The following SLC39A11 variants were observed in gnomAD, a reference collection of about 807,000 sequenced individuals.
SLC39A11 encodes the protein solute carrier family 39 member 11.
In SLC39A11, 33 loss-of-function variants were observed where a neutral mutation model predicts 36.1. That is an observed-to-expected ratio of 0.91 (90% CI 0.69 to 1.22). The LOEUF is 1.22. Ranked by LOEUF, SLC39A11 falls within the 50% of genes most tolerant of loss-of-function variation. SLC39A11 has a pLI of 0.00. For synonymous variants in SLC39A11, 166 were observed against 170.3 expected, an observed-to-expected ratio of 0.97 and a Z score of 0.20; for missense variants, 432 against 430.3, an observed-to-expected ratio of 1.00 and a Z score of -0.03.
intron 6 of SLC39A11, among the ~76,000 whole-genome samples, chr17:72,810,094 A>G (rs2077387772): frequency 6.6e-6 from 1 of 151,734 alleles, no homozygotes; most frequent in African/African-American, 2.4e-5. Context: ...CAAAAAAAAA[A>G]AAAAAGAAAA....
intron 5 of SLC39A11, among the ~76,000 whole-genome samples, chr17:72,901,285 C>T (rs1369557495): frequency 6.6e-6 from 1 of 152,208 alleles, no homozygotes; most frequent in Admixed American, 6.5e-5. Flanking sequence ...GACCCACAGG[C>T]CCCTGCTGAG....
intron 4 of SLC39A11, among the ~76,000 whole-genome samples, chr17:73,022,801 T>C (rs2148603389): frequency 6.6e-6 from 1 of 152,134 alleles, no homozygotes; most frequent in Non-Finnish European, 1.5e-5. Context: ...TGGGAATACA[T>C]TTGGTACCCA....
At chr17:73,080,471 T>C (rs1052114737) in intron 3 of SLC39A11, among the ~76,000 whole-genome samples, 8 of 152,162 alleles carry the variant, frequency 5.3e-5, no homozygotes, top group Non-Finnish European at 1.5e-5. Flanking sequence ...TCTCACCTTA[T>C]ACAAAAATCA....
At chr17:72,961,996 T>C (rs1430541645) in intron 4 of SLC39A11, among the ~76,000 whole-genome samples, 2 of 152,214 alleles carry the variant, frequency 1.3e-5, no homozygotes, top group African/African-American at 4.8e-5. Flanking sequence ...GCTTTATACA[T>C]GGCATCACTC....
chr17:72,706,332 A>G (rs1567967550), intron 7 of SLC39A11, among the ~76,000 whole-genome samples: 2 of 152,154 alleles, frequency 1.3e-5, no homozygotes, highest in African/African-American at 4.8e-5. Flanking sequence ...TACACAAGTC[A>G]CAGTATCCTT....
At chr17:72,955,458 A>C (rs1343404843) in intron 4 of SLC39A11, among the ~76,000 whole-genome samples, 2 of 135,236 alleles carry the variant, frequency 1.5e-5, no homozygotes, top group Non-Finnish European at 1.5e-5. Flanking sequence ...ACGCAACACC[A>C]CGTCTGGCTA....
chr17:73,061,096 T>C (rs2059826338), intron 3 of SLC39A11, among the ~76,000 whole-genome samples: 1 of 152,212 alleles, frequency 6.6e-6, no homozygotes, highest in African/African-American at 2.4e-5. Flanking sequence ...GCGTGGTGGC[T>C]CATGCCTGTA....
intron 3 of SLC39A11, among the ~76,000 whole-genome samples, chr17:73,080,516 T>C (rs2060474762): frequency 6.6e-6 from 1 of 152,200 alleles, no homozygotes; most frequent in Non-Finnish European, 1.5e-5. Context: ...ATGTAAGACC[T>C]GAAACCATAA....
At chr17:73,054,940 A>G (rs1050239351) in intron 3 of SLC39A11, among the ~76,000 whole-genome samples, 1 of 152,102 alleles carries the variant, frequency 6.6e-6, no homozygotes, top group Non-Finnish European at 1.5e-5. Context: ...AGAAACAAAG[A>G]CTCGATGACA....
chr17:72,940,629 C>CT (rs552991226), intron 5 of SLC39A11, among the ~76,000 whole-genome samples: 1 of 152,182 alleles, frequency 6.6e-6, no homozygotes, highest in Non-Finnish European at 1.5e-5. Flanking sequence ...TCATTCTACT[C>CT]TTTTTTCATC....
At chr17:72,923,364 A>G (rs978162891) in intron 5 of SLC39A11, among the ~76,000 whole-genome samples, 8 of 152,222 alleles carry the variant, frequency 5.3e-5, no homozygotes, top group African/African-American at 1.9e-4. Flanking sequence ...CCTGAGTCTC[A>G]GAATTACAAT....
chr17:72,838,562 T>C (rs1474289486), intron 6 of SLC39A11, among the ~76,000 whole-genome samples: 1 of 152,192 alleles, frequency 6.6e-6, no homozygotes, highest in Non-Finnish European at 1.5e-5. Context: ...GTGAATTTTA[T>C]GGTATGTGAA....
chr17:72,976,653 A>T (rs1367618194), intron 4 of SLC39A11, among the ~76,000 whole-genome samples: 1 of 152,200 alleles, frequency 6.6e-6, no homozygotes, highest in African/African-American at 2.4e-5. Flanking sequence ...GATCGAGACC[A>T]TCCAGGCCAA....
At chr17:72,957,344 T>C (rs141047454) in intron 4 of SLC39A11, among the ~76,000 whole-genome samples, 1,783 of 152,304 alleles carry the variant, frequency 0.012, 26 homozygotes, top group Middle Eastern at 0.031. Flanking sequence ...TGCACAGACA[T>C]ACAAAATGTT....
chr17:73,030,534 G>A (rs900543749), intron 4 of SLC39A11, among the ~76,000 whole-genome samples: 4 of 152,204 alleles, frequency 2.6e-5, no homozygotes, highest in Non-Finnish European at 4.4e-5. Flanking sequence ...ACTGACTCCA[G>A]TGAGTCTGAC....
chr17:72,799,765 A>G (rs369083201), intron 6 of SLC39A11, among the ~76,000 whole-genome samples: 19 of 149,984 alleles, frequency 1.3e-4, no homozygotes, highest in African/African-American at 4.7e-4. Flanking sequence ...GTTTATCAAG[A>G]CAATATGTGC....
At chr17:72,761,834 A>G (rs1598615985) in intron 6 of SLC39A11, among the ~76,000 whole-genome samples, 1 of 152,224 alleles carries the variant, frequency 6.6e-6, no homozygotes, top group East Asian at 1.9e-4. Context: ...ATCAACAGGC[A>G]TCAAAGAGCA....
intron 5 of SLC39A11, among the ~76,000 whole-genome samples, chr17:72,902,618 A>G (rs1451666246): frequency 6.6e-6 from 1 of 152,262 alleles, no homozygotes; most frequent in Non-Finnish European, 1.5e-5. Flanking sequence ...AAACAAATCA[A>G]CAAAGAGATG....
chr17:73,035,801 T>C (rs187925369), intron 3 of SLC39A11, among the ~76,000 whole-genome samples: 12 of 134,216 alleles, frequency 8.9e-5, no homozygotes, highest in African/African-American at 2.8e-4. Flanking sequence ...GAGGCGGAGG[T>C]TGCAGCGAGC....
Sources: allele counts gnomAD v4.1 joint callset (sites outside exome capture counted in the v4.1 genomes callset), GRCh38; gene constraint gnomAD v4.1.1; transcripts MANE v1.5; gene names NCBI Gene and HGNC (gene_info 2026-07-23, HGNC 2026-07-21).